Variants in SEC63 observed in about 807,000 individuals in gnomAD.
SEC63 encodes SEC63 protein translocation regulator, also known as translocation protein SEC63 homolog.
In SEC63, 56 loss-of-function variants were observed where a neutral mutation model predicts 116.2. That is an observed-to-expected ratio of 0.48 (90% CI 0.39 to 0.60). SEC63 has a LOEUF of 0.60. Ranked by LOEUF, SEC63 falls within the 20% of genes least tolerant of loss-of-function variation. The probability of loss-of-function intolerance (pLI) is 0.00; values close to 1 mark genes in which losing one functional copy is unlikely to be tolerated. For missense variants in SEC63, 668 were observed against 900.0 expected, an observed-to-expected ratio of 0.74 and a Z score of 3.30; for synonymous variants, 273 against 294.6, an observed-to-expected ratio of 0.93 and a Z score of 0.75.
In SEC63 at chr6:107,869,946, G is replaced by A. The variant is rs1786091817; in HGVS notation, c.*1758C>T. 6.6e-6 allele frequency: 1 copy of A among 151,788 alleles called. No homozygotes were observed. The highest frequency in any genetic ancestry group is 1.5e-5 in the Non-Finnish European group (1 of 67,952). The allele number at this position is 151,788 out of a possible 1,614,324, so 9.4% of individuals were successfully genotyped here. A position where few individuals can be genotyped will look rare whatever the true frequency, so the allele number is the denominator to read the frequency against. The stretch of plus-strand genomic sequence containing the variant: ...TCTTGAAATCTTTCAAGAAAACTAG[G>A]AAATATGCATTCTACACATTGTTCT... On this transcript the variant is annotated 3_prime_UTR_variant, in exon 21 of 21. Transcript: ENST00000369002.
At chr6:107,938,050 AT>A (rs1360727367) in intron 1 of SEC63, among the ~76,000 whole-genome samples, 1 of 152,128 alleles carries the variant, frequency 6.6e-6, no homozygotes, top group African/African-American at 2.4e-5. Flanking sequence ...CCATTTGTCA[AT>A]TCTTGCTTTT....
intron 1 of SEC63, among the ~76,000 whole-genome samples, chr6:107,937,269 T>A (rs1197630216): frequency 6.6e-6 from 1 of 152,078 alleles, no homozygotes; most frequent in African/African-American, 2.4e-5. Flanking sequence ...ATTACGGGCA[T>A]GCGCCACCAC....
intron 1 of SEC63, among the ~76,000 whole-genome samples, chr6:107,955,080 G>T (rs916680565): frequency 1.2e-4 from 18 of 152,178 alleles, no homozygotes; most frequent in Admixed American, 1.2e-3. Context: ...AAACCACACA[G>T]GGCTCTGAAG....
chr6:107,887,757 AAAT>A (rs1786568738), intron 16 of SEC63, among the ~76,000 whole-genome samples: 2 of 152,316 alleles, frequency 1.3e-5, no homozygotes, highest in East Asian at 3.9e-4. Flanking sequence ...ACTAAAAAAA[AAAT>A]TTTTTTGTAT....
chr6:107,914,032 C>T (rs1383627972), intron 4 of SEC63, among the ~76,000 whole-genome samples: 1 of 152,062 alleles, frequency 6.6e-6, no homozygotes, highest in African/African-American at 2.4e-5. Context: ...GAAAATTTCT[C>T]CTGAACAGCA....
chr6:107,932,261 T>A (rs936820581), intron 1 of SEC63: 1 of 152,042 alleles, frequency 6.6e-6, no homozygotes, highest in African/African-American at 2.4e-5. Flanking sequence ...CTAAAATGAG[T>A]CCAGCTGGCT....
chr6:107,919,072 G>A (rs187344930), intron 4 of SEC63, among the ~76,000 whole-genome samples: 9 of 152,006 alleles, frequency 5.9e-5, no homozygotes, highest in Non-Finnish European at 1.0e-4. Context: ...CACCACACCC[G>A]GCTAAGTTTG....
At chr6:107,883,698 T>C (rs1020994885) in intron 16 of SEC63, among the ~76,000 whole-genome samples, 1 of 150,726 alleles carries the variant, frequency 6.6e-6, no homozygotes, top group Non-Finnish European at 1.5e-5. Context: ...TCCCAGCTAG[T>C]TGGGAGGTTG....
intron 13 of SEC63, among the ~76,000 whole-genome samples, chr6:107,898,262 A>G (rs1167828408): frequency 1.3e-5 from 2 of 152,052 alleles, no homozygotes; most frequent in Non-Finnish European, 2.9e-5. Context: ...ATCTCAAAAA[A>G]AAAAAAAAAG....
At chr6:107,918,119 G>C (rs1052854406) in intron 4 of SEC63, among the ~76,000 whole-genome samples, 5 of 152,006 alleles carry the variant, frequency 3.3e-5, no homozygotes, top group Non-Finnish European at 7.4e-5. Context: ...AAAAGTCCTA[G>C]AGCTCTTAAG....
At chr6:107,902,493 G>C (rs942033128) in intron 12 of SEC63, among the ~76,000 whole-genome samples, 3 of 151,808 alleles carry the variant, frequency 2.0e-5, no homozygotes, top group Non-Finnish European at 4.4e-5. Flanking sequence ...TGTTTTTGTT[G>C]TTCATGCTTA....
chr6:107,908,845 A>G (rs1787212513), intron 8 of SEC63, 82 bp downstream of exon 8: 1 of 759,426 alleles, frequency 1.3e-6, no homozygotes, highest in Non-Finnish European at 2.3e-6. Flanking sequence ...TCTCAACAGT[A>G]TAGAGTTAAG....
At chr6:107,925,453 A>G (rs192952015) in intron 2 of SEC63, among the ~76,000 whole-genome samples, 89 of 152,360 alleles carry the variant, frequency 5.8e-4, no homozygotes, top group African/African-American at 2.0e-3. Flanking sequence ...AATTAAATAA[A>G]CCATGATACA....
Position 107,957,969 on chromosome 6 carries a change from G to A in SEC63, c.41C>T (p.Thr14Ile), listed in dbSNP as rs1770746979. 1.2e-6 allele frequency: 2 copies of A among 1,613,460 alleles called. No individual in the cohort carries two copies. Among genetic ancestry groups the A allele is most frequent in the Non-Finnish European group, 1.7e-6 (2 of 1,179,602 alleles). Residue 14 changes from threonine to isoleucine, a missense_variant, in exon 1 of 21, where the codon ACC becomes ATC. Thr to Ile is a moderately conservative substitution (Grantham distance 89, BLOSUM62 -1). Coordinates refer to ENST00000369002, the MANE Select transcript of SEC63 (RefSeq NM_007214.5). ...QQFQYDDSGNTFFYFLTSFVG... is the reference protein window; with the variant it reads ...QQFQYDDSGNIFFYFLTSFVG... ...GAAGGAGGTGAGGAAGTAGAAGAAG[G>A]TGTTCCCACTGTCATCGTACTGGAA... is the stretch of plus-strand genomic sequence containing the variant.
At chr6:107,953,073 A>T (rs906562669) in intron 1 of SEC63, among the ~76,000 whole-genome samples, 4 of 152,240 alleles carry the variant, frequency 2.6e-5, no homozygotes, top group Non-Finnish European at 5.9e-5. Context: ...CAGCCTGGCC[A>T]ACATGGTGAA....
chr6:107,941,017 A>T (rs955374701), intron 1 of SEC63, among the ~76,000 whole-genome samples: 6 of 152,162 alleles, frequency 3.9e-5, no homozygotes, highest in Non-Finnish European at 7.3e-5. Context: ...GTGGAAGAGA[A>T]ACTCAAGTAC....
chr6:107,910,113 T>G (rs966735632), intron 7 of SEC63, among the ~76,000 whole-genome samples: 1 of 152,150 alleles, frequency 6.6e-6, no homozygotes, highest in African/African-American at 2.4e-5. Context: ...TCCCAATGAT[T>G]CCTAAATAAA....
intron 1 of SEC63, among the ~76,000 whole-genome samples, chr6:107,935,131 C>A (rs1770178900): frequency 1.4e-5 from 2 of 146,760 alleles, no homozygotes; most frequent in African/African-American, 5.0e-5. Context: ...GGGGGTCAGC[C>A]CCCCGCCCAG....
At chr6:107,904,858 G>C in intron 10 of SEC63, 137 bp from the exon 11 acceptor site, 1 of 742,368 alleles carries the variant, frequency 1.3e-6, no homozygotes, top group South Asian at 1.5e-5. Context: ...AGATTGAATG[G>C]AAGAGTTTCT....
Sources: allele counts gnomAD v4.1 joint callset (sites outside exome capture counted in the v4.1 genomes callset), GRCh38; gene constraint gnomAD v4.1.1; transcripts MANE v1.5; gene names NCBI Gene and HGNC (gene_info 2026-07-23, HGNC 2026-07-21).